Variants in PIP4K2B observed in about 807,000 individuals in gnomAD.
PIP4K2B encodes phosphatidylinositol-5-phosphate 4-kinase type 2 beta.
A neutral mutation model predicts 42.0 loss-of-function variants in PIP4K2B; 3 were observed. That is an observed-to-expected ratio of 0.07 (90% CI 0.03 to 0.18). PIP4K2B has a LOEUF of 0.18. PIP4K2B is among the 10% of genes least tolerant of loss of function. The probability of loss-of-function intolerance (pLI) is 1.00; values close to 1 mark genes in which losing one functional copy is unlikely to be tolerated. For missense variants in PIP4K2B, 332 were observed against 562.3 expected (o/e 0.59, Z 4.14); for synonymous variants, 204 against 210.1 (o/e 0.97, Z 0.25).
rs537074280 is a variant in PIP4K2B at position 38,769,835 on chromosome 17, G to A, written c.1171-64C>T. Reference sequence around the variant, plus strand: ...TGCCCCAATCAGGAGGCTGCACATGGGGGGAGCCAGGGTATTCAGAAGCCT... The same window carrying A: ...TGCCCCAATCAGGAGGCTGCACATGAGGGGAGCCAGGGTATTCAGAAGCCT... On this transcript the variant is annotated intron_variant, in intron 9 of 9. Coordinates refer to ENST00000619039, the MANE Select transcript of PIP4K2B (RefSeq NM_003559.5). The A allele has an allele frequency of 1.1e-4, 156 of 1,428,952 alleles. 3 individuals carry two copies. The South Asian group carries it at 1.8e-3, about 16-fold the overall frequency. The allele number at this position is 1,428,952 out of a possible 1,614,324, so 88.5% of individuals were successfully genotyped here. A position where few individuals can be genotyped will look rare whatever the true frequency, so the allele number is the denominator to read the frequency against.
rs1359805011 is a variant in PIP4K2B, at chr17:38,789,649, C to CA, written c.160-2730dup. 5.3e-5 allele frequency among the ~76,000 whole-genome samples: 8 copies of CA among 152,212 alleles called. No homozygotes were observed. In the East Asian group the frequency reaches 1.5e-3, roughly 29 times the overall value. On this transcript the variant is annotated intron_variant, in intron 1 of 9. Coordinates refer to ENST00000619039, the MANE Select transcript of PIP4K2B (RefSeq NM_003559.5). ...ACAAACCTTTTTTATTTAGAAATGT[C>CA]AGAGAATGGAGGAAGTTCAAGTTAA...
intron 8 of PIP4K2B, 28 bp from the exon 9 acceptor site, chr17:38,770,567 A>G (rs750340693): frequency 1.5e-6 from 2 of 1,306,832 alleles, no homozygotes; most frequent in East Asian, 4.6e-5. Flanking sequence ...GCAGGGAAGA[A>G]GGAAGAGGGG....
At chr17:38,789,817 A>T (rs2143457000) in intron 1 of PIP4K2B, among the ~76,000 whole-genome samples, 1 of 152,254 alleles carries the variant, frequency 6.6e-6, no homozygotes, top group African/African-American at 2.4e-5. Context: ...TTGGCAGTGG[A>T]GCAGACACTA....
intron 1 of PIP4K2B, among the ~76,000 whole-genome samples, chr17:38,798,055 C>T (rs904357789): frequency 3.3e-5 from 5 of 152,180 alleles, no homozygotes; most frequent in African/African-American, 9.7e-5. Flanking sequence ...GCTCAGATTA[C>T]GGTTCATCGA....
chr17:38,771,087 G>T lies in PIP4K2B; in HGVS notation c.993C>A (p.Leu331=), dbSNP rs1230730947. The change falls in exon 8 of 10, where the codon CTC becomes CTA. Residue 331 remains leucine, a synonymous_variant. Coordinates refer to ENST00000619039, the MANE Select transcript of PIP4K2B (RefSeq NM_003559.5). The part of the protein sequence containing the change: ...GTPPDSPGNL[L]SFPRFFGPGE... Reference sequence around the variant, plus strand: ...CAGGACCAAAGAACCGAGGAAAGCTGAGGAGGTTGCCAGGGCTGTCCGGAG... The same window carrying T: ...CAGGACCAAAGAACCGAGGAAAGCTTAGGAGGTTGCCAGGGCTGTCCGGAG... 1 of 1,614,038 alleles carries T rather than the reference G, an allele frequency of 6.2e-7. No individual in the cohort carries two copies. The highest frequency in any genetic ancestry group is 1.3e-5 in the African/African-American group (1 of 74,904).
rs1908877759 is a variant in PIP4K2B at position 38,769,289 on chromosome 17, G to A, written c.*402C>T. ...CAGCAAAGATGGGGAGGGTGGGTAG[G>A]CTGATGAAATATGATTATAAATAGC... On this transcript the variant is annotated 3_prime_UTR_variant, in exon 10 of 10. Coordinates refer to ENST00000619039, the MANE Select transcript of PIP4K2B (RefSeq NM_003559.5). 1 of 190,830 alleles carries A rather than the reference G, an allele frequency of 5.2e-6. No homozygotes were observed. Among genetic ancestry groups the A allele is most frequent in the Admixed American group, 5.6e-5 (1 of 17,980 alleles). 11.8% of individuals were successfully genotyped at this position (190,830 alleles called of 1,614,324 possible).
chr17:38,792,151 C>CTTGATTGA (rs60479195), intron 1 of PIP4K2B, among the ~76,000 whole-genome samples: 4 of 151,208 alleles, frequency 2.6e-5, no homozygotes, highest in African/African-American at 4.9e-5. Context: ...ATGAAAATTC[C>CTTGATTGA]TTGATTGATT....
intron 2 of PIP4K2B, among the ~76,000 whole-genome samples, chr17:38,785,455 C>G (rs1028437023): frequency 6.6e-6 from 1 of 152,040 alleles, no homozygotes; most frequent in Non-Finnish European, 1.5e-5. Context: ...GTGGATCACC[C>G]TGACTGAGGT....
At chr17:38,793,288 G>C (rs1910441554) in intron 1 of PIP4K2B, among the ~76,000 whole-genome samples, 1 of 148,692 alleles carries the variant, frequency 6.7e-6, no homozygotes, top group Admixed American at 6.7e-5. Flanking sequence ...TCGTCACCCA[G>C]GCTGGAGTGC....
At chr17:38,783,428 A>AG (rs1642038738) in intron 3 of PIP4K2B, among the ~76,000 whole-genome samples, 1 of 152,120 alleles carries the variant, frequency 6.6e-6, no homozygotes, top group African/African-American at 2.4e-5. Flanking sequence ...CACGCCCTGA[A>AG]GGGGGCAGTT....
At chr17:38,777,491 C>T (rs555974622) in intron 7 of PIP4K2B, among the ~76,000 whole-genome samples, 196 bp downstream of exon 7, 7 of 152,320 alleles carry the variant, frequency 4.6e-5, no homozygotes, top group African/African-American at 1.4e-4. Flanking sequence ...GTCCTACTGG[C>T]GCCAACTATG....
chr17:38,772,479 G>C (rs1362624816), intron 7 of PIP4K2B, among the ~76,000 whole-genome samples: 1 of 152,148 alleles, frequency 6.6e-6, no homozygotes, highest in Admixed American at 6.5e-5. Context: ...CACTATAGTT[G>C]TATCACAGTG....
chr17:38,779,241 A>C, intron 5 of PIP4K2B, 142 bp downstream of exon 5: 1 of 775,114 alleles, frequency 1.3e-6, no homozygotes, highest in South Asian at 1.8e-5. Context: ...GTCCACAAGA[A>C]TCAGGCATAT....
chr17:38,772,526 A>G (rs1343283798), intron 7 of PIP4K2B, among the ~76,000 whole-genome samples: 1 of 152,142 alleles, frequency 6.6e-6, no homozygotes, highest in Non-Finnish European at 1.5e-5. Context: ...CTTCATTATG[A>G]CTCCACAGAG....
intron 7 of PIP4K2B, chr17:38,776,078 C>T (rs1250325246): frequency 2.3e-6 from 1 of 442,250 alleles, no homozygotes; most frequent in Non-Finnish European, 4.5e-6. Flanking sequence ...TCAAGCGATT[C>T]TCTTGCCTCA....
intron 1 of PIP4K2B, among the ~76,000 whole-genome samples, chr17:38,789,099 G>A (rs1047423615): frequency 6.6e-5 from 10 of 152,122 alleles, no homozygotes; most frequent in Non-Finnish European, 1.3e-4. Flanking sequence ...TCTAGCCTGG[G>A]CAAGAGTGAG....
rs58027566 is a variant in PIP4K2B, at chr17:38,791,406, ATTTTTTTTT to A, written c.160-4495_160-4487del. Among the ~76,000 whole-genome samples, 7 of 91,156 alleles carry A rather than the reference ATTTTTTTTT, an allele frequency of 7.7e-5. No individual in the cohort carries two copies. The East Asian group carries it at 2.0e-3, about 26-fold the overall frequency. The allele number at this position is 91,156 out of a possible 152,430, so 59.8% of individuals were successfully genotyped here. On this transcript the variant is annotated intron_variant, in intron 1 of 9. Coordinates refer to ENST00000619039, the MANE Select transcript of PIP4K2B (RefSeq NM_003559.5). ...TTTCCTAATCTGGCTCAGACTGCCA[ATTTTTTTTT>A]TTTTTTTTTTTTTTTTTTGAGATAG...
chr17:38,785,474 C>T (rs1411625268), intron 2 of PIP4K2B, among the ~76,000 whole-genome samples: 6 of 152,032 alleles, frequency 3.9e-5, no homozygotes, highest in East Asian at 3.9e-4. Flanking sequence ...GTCAGGAGTT[C>T]GAGACCAGCC....
intron 1 of PIP4K2B, among the ~76,000 whole-genome samples, chr17:38,790,019 C>T (rs60919805): frequency 0.046 from 6,955 of 152,132 alleles, 558 homozygotes; most frequent in African/African-American, 0.16. Context: ...TTATATGTTG[C>T]TTGGGGTGAT....
Sources: gnomAD v4.1 joint callset for allele counts (sites outside exome capture counted in the v4.1 genomes callset) on GRCh38, gnomAD v4.1.1 for gene constraint, MANE v1.5 for transcripts, NCBI Gene and HGNC (gene_info 2026-07-23, HGNC 2026-07-21) for gene names.